The following CAPN11 variants were observed in gnomAD, a reference collection of about 807,000 sequenced individuals.
CAPN11 encodes the protein calpain 11.
In CAPN11, 108 loss-of-function variants were observed where a neutral mutation model predicts 105.3. The observed-to-expected ratio is 1.03, with a 90% CI of 0.88 to 1.20. The LOEUF is 1.20. Ranked by LOEUF, CAPN11 falls within the 50% of genes most tolerant of loss-of-function variation. The pLI is 0.00. For synonymous variants in CAPN11, 329 were observed against 344.5 expected, an observed-to-expected ratio of 0.96 and a Z score of 0.50; for missense variants, 883 against 924.8, an observed-to-expected ratio of 0.95 and a Z score of 0.59.
chr6:44,159,239 C>T (rs761627137), intron 1 of CAPN11, among the ~76,000 whole-genome samples: 47 of 152,206 alleles, frequency 3.1e-4, no homozygotes, highest in African/African-American at 1.0e-3. Context: ...AAAAAGCCCA[C>T]GTAGAGAAGA....
Position 44,158,866 on chromosome 6 carries a change from T to G in CAPN11, c.16+2T>G. 6.4e-7 allele frequency: 1 copy of G among 1,551,068 alleles called. No individual in the cohort carries two copies. On this transcript the variant is annotated splice_donor_variant, in intron 1 of 22. Coordinates refer to ENST00000398776, the MANE Select transcript of CAPN11 (RefSeq NM_007058.4). LOFTEE classifies it high-confidence loss of function. ...CCACCAGCATGCTGTACTCCCCAGG[T>G]AGGCACTCATGGGGCCTTGCCCCAC...
At position 44,184,091 on chromosome 6, in the gene CAPN11, C is replaced by T. The variant is rs1331810521; in HGVS notation, c.*159C>T. ...CGGGTCCCAGGTGCCGTGTTTACTG[C>T]AGCAGTGGGACCTCCGTGCCCACTC... On this transcript the variant is annotated 3_prime_UTR_variant, in exon 23 of 23. Coordinates refer to ENST00000398776, the MANE Select transcript of CAPN11 (RefSeq NM_007058.4). 1.2e-5 allele frequency: 9 copies of T among 724,236 alleles called. No individual in the cohort carries two copies. The highest frequency in any genetic ancestry group is 1.8e-5 in the Non-Finnish European group (8 of 435,170). 44.9% of individuals were successfully genotyped at this position (724,236 alleles called of 1,614,324 possible). A position where few individuals can be genotyped will look rare whatever the true frequency, so the allele number is the denominator to read the frequency against.
At chr6:44,169,834 C>A in intron 3 of CAPN11, 72 bp from the exon 4 acceptor site, 1 of 1,242,564 alleles carries the variant, frequency 8.0e-7, no homozygotes, top group Non-Finnish European at 1.2e-6. Flanking sequence ...GGCATCATTC[C>A]CCAGCAAAAG....
chr6:44,181,451 A>ACACACACACACACACCACACT, intron 19 of CAPN11, 131 bp downstream of exon 19: 2 of 242,830 alleles, frequency 8.2e-6, no homozygotes, highest in Non-Finnish European at 1.3e-5. Flanking sequence ...CACCACACTC[A>ACACACACACACACACCACACT]CACACACACA....
chr6:44,183,777 G>A lies in CAPN11; in HGVS notation c.2193+14G>A. 6.2e-7 allele frequency: 1 copy of A among 1,613,172 alleles called. No homozygotes were observed. Among genetic ancestry groups the A allele is most frequent in the South Asian group, 1.1e-5 (1 of 90,916 alleles). On this transcript the variant is annotated intron_variant, in intron 22 of 22. Transcript: ENST00000398776. ...AGCCTGGAACAGGTACTTGGAGAAGGGTGGGAAGGAATCTGCAGGATTGCA... is the reference window on the plus strand; with the variant it reads ...AGCCTGGAACAGGTACTTGGAGAAGAGTGGGAAGGAATCTGCAGGATTGCA...
chr6:44,159,933 G>A (rs185885576), intron 1 of CAPN11, among the ~76,000 whole-genome samples: 26 of 151,882 alleles, frequency 1.7e-4, no homozygotes, highest in Middle Eastern at 3.4e-3. Context: ...TCAGGAGTTC[G>A]AGACCAGCCT....
Position 44,180,059 on chromosome 6 carries a change from C to T in CAPN11, c.1536C>T (p.Leu512=). 1.2e-6 allele frequency: 2 copies of T among 1,612,526 alleles called. No homozygotes were observed. Among genetic ancestry groups the T allele is most frequent in the Admixed American group, 1.7e-5 (1 of 60,006 alleles). ...ACTCACGGGAGGTGAGCAGCCAACT[C>T]CGGCTGCCTCCGGGGGAATATATCA... The part of the protein sequence containing the change: ...FTNSREVSSQ[L]RLPPGEYIII... Residue 512 remains leucine (L), a synonymous_variant, in exon 14 of 23, where the codon CTC becomes CTT. Transcript: ENST00000398776.
At chr6:44,180,403 TA>T in intron 14 of CAPN11, 56 bp from the exon 15 acceptor site, 5 of 1,486,486 alleles carry the variant, frequency 3.4e-6, no homozygotes, top group Non-Finnish European at 4.7e-6. Flanking sequence ...AGCACCCCAC[TA>T]AAACCCCCAC....
rs1253464480 is a variant in CAPN11 at position 44,168,995 on chromosome 6, G to C, written c.89-286G>C. ...TGGAGTGCCATCACATCTCATTGCA[G>C]CCTCAAACTGCCACAGCCTCGAACT... is the stretch of plus-strand genomic sequence containing the variant. On this transcript the variant is annotated intron_variant, in intron 2 of 22. Transcript: ENST00000398776. 8.3e-6 allele frequency: 4 copies of C among 484,700 alleles called. No homozygotes were observed. In the East Asian group the frequency reaches 2.4e-4, roughly 29 times the overall value. The allele number at this position is 484,700 out of a possible 1,614,324, so 30.0% of individuals were successfully genotyped here.
intron 14 of CAPN11, 114 bp from the exon 15 acceptor site, chr6:44,180,346 C>A: frequency 9.6e-7 from 1 of 1,046,780 alleles, no homozygotes; most frequent in South Asian, 1.4e-5. Flanking sequence ...AACCCATATT[C>A]CATGGAGCTG....
rs760085717 is a variant in CAPN11, at chr6:44,176,974, G to A, written c.1213G>A (p.Ala405Thr). 2.5e-6 allele frequency: 4 copies of A among 1,613,426 alleles called. No homozygotes were observed. The highest frequency in any genetic ancestry group is 3.3e-4 in the Middle Eastern group (2 of 6,062). Reference sequence around the variant, plus strand: ...GGGCAGCTGGCGCAGAGGCAGCTCCGCAGGGGGCTGCAGGAACCACCCTGG... The same window carrying A: ...GGGCAGCTGGCGCAGAGGCAGCTCCACAGGGGGCTGCAGGAACCACCCTGG... ...YEGSWRRGSS[A>T]GGCRNHPGTF... The change falls in exon 11 of 23, where the codon GCA becomes ACA. Residue 405 changes from alanine to threonine, a missense_variant. Ala to Thr is a moderately conservative substitution (Grantham distance 58). Coordinates refer to ENST00000398776, the MANE Select transcript of CAPN11 (RefSeq NM_007058.4).
At position 44,182,901 on chromosome 6, in the gene CAPN11, G is replaced by C. The variant is rs1343770036; in HGVS notation, c.1939-40G>C. On this transcript the variant is annotated intron_variant, in intron 19 of 22. Coordinates refer to ENST00000398776, the MANE Select transcript of CAPN11 (RefSeq NM_007058.4). ...AGTATTTCATTATTTCAACCACCAT[G>C]CCATGCATGTGGCCCTACCATATCT... The C allele has an allele frequency of 4.2e-6, 6 of 1,436,680 alleles. No individual in the cohort carries two copies. The African/African-American group carries it at 7.0e-5, about 17-fold the overall frequency. The allele number at this position is 1,436,680 out of a possible 1,614,324, so 89.0% of individuals were successfully genotyped here.
At position 44,169,161 on chromosome 6, in the gene CAPN11, T is replaced by C. The variant is rs11970104; in HGVS notation, c.89-120T>C. 132 of 1,167,094 alleles carry C rather than the reference T, an allele frequency of 1.1e-4. 1 individual carries two copies. The Middle Eastern group carries it at 2.0e-3, about 17-fold the overall frequency. The allele number at this position is 1,167,094 out of a possible 1,614,324, so 72.3% of individuals were successfully genotyped here. On this transcript the variant is annotated intron_variant, in intron 2 of 22. Transcript: ENST00000398776. Reference sequence around the variant, plus strand: ...GTTGCCCAGGCTGGTCTCAAACTCCTAGGCTGAAGAGATCCTCCCACCTCA... The same window carrying C: ...GTTGCCCAGGCTGGTCTCAAACTCCCAGGCTGAAGAGATCCTCCCACCTCA...
At chr6:44,169,862 G>C (rs1198159613) in intron 3 of CAPN11, 44 bp from the exon 4 acceptor site, 2 of 1,423,818 alleles carry the variant, frequency 1.4e-6, no homozygotes, top group South Asian at 2.4e-5. Flanking sequence ...AAGGTGGGGA[G>C]GGGGTGTCCT....
Position 44,174,835 on chromosome 6 carries a change from G to C in CAPN11, c.832-1233G>C, listed in dbSNP as rs1561846924. Among the ~76,000 whole-genome samples the C allele has an allele frequency of 2.6e-5, 4 of 152,212 alleles. 1 individual carries two copies. The South Asian group carries it at 8.3e-4, about 32-fold the overall frequency. Reference sequence around the variant, plus strand: ...GGGTTTCACCATGTTGGCCAGACTGGTCTTGAACTCCTGACCTCAGGTGAT... The same window carrying C: ...GGGTTTCACCATGTTGGCCAGACTGCTCTTGAACTCCTGACCTCAGGTGAT... On this transcript the variant is annotated intron_variant, in intron 7 of 22. Coordinates refer to ENST00000398776, the MANE Select transcript of CAPN11 (RefSeq NM_007058.4).
chr6:44,166,444 T>A (rs1347780463), intron 1 of CAPN11, among the ~76,000 whole-genome samples: 1 of 152,188 alleles, frequency 6.6e-6, no homozygotes, highest in Non-Finnish European at 1.5e-5. Context: ...CTTGTAGGGC[T>A]GGCGTGCCTG....
chr6:44,158,864 G>C lies in CAPN11; in HGVS notation c.16G>C (p.Gly6Arg). 1 of 1,551,228 alleles carries C rather than the reference G, an allele frequency of 6.4e-7. No homozygotes were observed. The highest frequency in any genetic ancestry group is 1.2e-5 in the South Asian group (1 of 84,054). MLYSP[G>R]PSLPESAESL... ...AGCCACCAGCATGCTGTACTCCCCA[G>C]GTAGGCACTCATGGGGCCTTGCCCC... is the stretch of plus-strand genomic sequence containing the variant. Residue 6 changes from glycine to arginine, a missense_variant and splice_region_variant, in exon 1 of 23, where the codon GGG becomes CGG. Gly to Arg is a moderately radical substitution (Grantham distance 125, BLOSUM62 -2). Transcript: ENST00000398776.
intron 18 of CAPN11, 107 bp downstream of exon 18, chr6:44,181,104 C>CCAGA: frequency 1.6e-6 from 2 of 1,231,112 alleles, no homozygotes; most frequent in South Asian, 1.2e-5. Context: ...GGGGATTAGG[C>CCAGA]TCTGGGGTAG....
intron 1 of CAPN11, among the ~76,000 whole-genome samples, chr6:44,162,345 C>G (rs1486499863): frequency 6.7e-6 from 1 of 149,822 alleles, no homozygotes; most frequent in Non-Finnish European, 1.5e-5. Context: ...CCCGCAGCCC[C>G]CCTCACAGTC....
Sources: allele counts gnomAD v4.1 joint callset (sites outside exome capture counted in the v4.1 genomes callset), GRCh38; gene constraint gnomAD v4.1.1; transcripts MANE v1.5; gene names NCBI Gene and HGNC (gene_info 2026-07-23, HGNC 2026-07-21).